Variants in SPTBN5 observed in about 807,000 individuals in gnomAD.
The protein encoded by SPTBN5 is spectrin beta, non-erythrocytic 5, also known as spectrin beta chain, non-erythrocytic 5.
In SPTBN5, 513 loss-of-function variants were observed where a neutral mutation model predicts 477.6. The observed-to-expected ratio is 1.07, with a 90% CI of 1.00 to 1.16. The LOEUF (loss-of-function observed/expected upper bound fraction) is 1.16, where lower values mean the gene tolerates loss of function less well. Ranked by LOEUF, SPTBN5 falls within the 50% of genes most tolerant of loss-of-function variation. The probability of loss-of-function intolerance (pLI) is 0.00; values close to 1 mark genes in which losing one functional copy is unlikely to be tolerated. For synonymous variants in SPTBN5, 2,169 were observed against 2,011.7 expected, an observed-to-expected ratio of 1.08 and a Z score of -2.09; for missense variants, 5,062 against 4,731.8, an observed-to-expected ratio of 1.07 and a Z score of -2.05.
intron 47 of SPTBN5, among the ~76,000 whole-genome samples, chr15:41,859,844 C>G (rs986780973): frequency 1.1e-4 from 16 of 152,302 alleles, no homozygotes; most frequent in African/African-American, 3.9e-4. Context: ...GCGACCACTG[C>G]CAGGACACCA....
At chr15:41,857,756 G>C in intron 49 of SPTBN5, 46 bp from the exon 50 acceptor site, 1 of 1,517,454 alleles carries the variant, frequency 6.6e-7, no homozygotes, top group South Asian at 1.2e-5. Context: ...AGGACTGCTG[G>C]TACCAGGGCA....
chr15:41,851,643 G>T, intron 63 of SPTBN5, 136 bp downstream of exon 63: 1 of 690,172 alleles, frequency 1.4e-6, no homozygotes, highest in Non-Finnish European at 2.5e-6. Context: ...GAGCCAAACT[G>T]CCTGGACAGC....
chr15:41,882,237 G>GGCCCCCCCC, intron 11 of SPTBN5, 32 bp downstream of exon 11: 3 of 357,956 alleles, frequency 8.4e-6, no homozygotes, highest in Non-Finnish European at 7.5e-6. Flanking sequence ...GCCGGGCCCC[G>GGCCCCCCCC]CCCCCACCCC....
At position 41,868,546 on chromosome 15, in the gene SPTBN5, TCCTCCACC is replaced by T; in HGVS notation, c.5901_5908del (p.Val1968GlufsTer6). The T allele has an allele frequency of 6.2e-7, 1 of 1,605,528 alleles. No homozygotes were observed. The highest frequency in any genetic ancestry group is 8.5e-7 in the Non-Finnish European group (1 of 1,179,730). ...GCCACTGCTAGGCTCTTGCGAACTC[TCCTCCACC>T]TGCAGGTCCTGGCGCACGCGGGCTG... On this transcript the variant is annotated frameshift_variant, in exon 33 of 68. Transcript: ENST00000320955. LOFTEE classifies it high-confidence loss of function.
Position 41,867,023 on chromosome 15 carries a change from T to C in SPTBN5, c.6416A>G (p.Glu2139Gly). The change falls in exon 36 of 68, where the codon GAG becomes GGG. Residue 2139 changes from glutamate to glycine, a missense_variant. Glu to Gly is a moderately conservative substitution (Grantham distance 98). Coordinates refer to ENST00000320955, the MANE Select transcript of SPTBN5 (RefSeq NM_016642.4). Reference protein sequence around the residue: ...QRRMRVKELAESRGHALHASL... With the variant: ...QRRMRVKELAGSRGHALHASL... Reference sequence around the variant, plus strand: ...GGCATGCAGGGCGTGTCCCCGGCTCTCCGCCAGCTCCTTCACTCTCATCCG... The same window carrying C: ...GGCATGCAGGGCGTGTCCCCGGCTCCCCGCCAGCTCCTTCACTCTCATCCG... 1 of 1,556,522 alleles carries C rather than the reference T, an allele frequency of 6.4e-7. No homozygotes were observed. Among genetic ancestry groups the C allele is most frequent in the South Asian group, 1.2e-5 (1 of 84,454 alleles).
rs752088949 is a variant in SPTBN5 at position 41,887,334 on chromosome 15, T to A, written c.767A>T (p.Asp256Val). The change falls in exon 6 of 68, where the codon GAC becomes GTC. Residue 256 changes from aspartate (D) to valine (V), a missense_variant. Physicochemically the swap from Asp to Val is radical, Grantham distance 152. Transcript: ENST00000320955. ...CTGTGCGGCTGCCACGTCCTCGGGG[T>A]CCAGCAGCTGAGCAATGCCCAGCTC... ...EQELGIAQLL[D>V]PEDVAAAQPD... The A allele has an allele frequency of 1.3e-6, 2 of 1,551,752 alleles. No homozygotes were observed. Among genetic ancestry groups the A allele is most frequent in the Non-Finnish European group, 1.7e-6 (2 of 1,147,316 alleles).
At position 41,855,601 on chromosome 15, in the gene SPTBN5, C is replaced by A; in HGVS notation, c.9166G>T (p.Glu3056Ter). The change falls in exon 54 of 68, where the codon GAG (glutamate) becomes TAG (stop). Residue 3056 changes from glutamate (E) to a stop codon, truncating the protein, a stop_gained. Coordinates refer to ENST00000320955, the MANE Select transcript of SPTBN5 (RefSeq NM_016642.4). LOFTEE classifies it high-confidence loss of function. ...RDLEAFSPRIERLQQTAALLE... is the reference protein window; with the variant it reads ...RDLEAFSPRI ...AGTGCTGCTGTCTGCTGCAGCCGCT[C>A]GATGCGTGGGCTGAACGCTTCCAGG... 6.2e-7 allele frequency: 1 copy of A among 1,611,766 alleles called. No individual in the cohort carries two copies.
chr15:41,849,112 C>A (rs1393488264), intron 67 of SPTBN5, among the ~76,000 whole-genome samples: 1 of 152,208 alleles, frequency 6.6e-6, no homozygotes, highest in African/African-American at 2.4e-5. Flanking sequence ...GGCATGGGGC[C>A]CATGCACGGA....
chr15:41,889,976 T>C (rs2067259416), intron 4 of SPTBN5, 113 bp downstream of exon 4: 3 of 669,848 alleles, frequency 4.5e-6, no homozygotes, highest in Admixed American at 5.0e-5. Context: ...GTTTCCAGGA[T>C]CTCCTATGGG....
chr15:41,853,660 G>C lies in SPTBN5; in HGVS notation c.9902C>G (p.Ala3301Gly), dbSNP rs561209581. 1 of 1,599,168 alleles carries C rather than the reference G, an allele frequency of 6.3e-7. No homozygotes were observed. Among genetic ancestry groups the C allele is most frequent in the Non-Finnish European group, 8.5e-7 (1 of 1,174,646 alleles). ...KVQEAWATLQAKAQERGQWLA... is the reference protein window; with the variant it reads ...KVQEAWATLQGKAQERGQWLA... The stretch of plus-strand genomic sequence containing the variant: ...CCACTGGCCTCGCTCCTGGGCCTTC[G>C]CCTGCAGGGTGGCCCAGGCCTCCTG... The change falls in exon 58 of 68, where the codon GCG becomes GGG. Residue 3301 changes from alanine (A) to glycine (G), a missense_variant. Physicochemically the swap from Ala to Gly is moderately conservative, Grantham distance 60. Transcript: ENST00000320955.
intron 39 of SPTBN5, among the ~76,000 whole-genome samples, chr15:41,864,763 G>A (rs1595464785): frequency 6.6e-6 from 1 of 152,234 alleles, no homozygotes; most frequent in Non-Finnish European, 1.5e-5. Flanking sequence ...CTTGGACACT[G>A]GATGGGGTTT....
rs181522689 is a variant in SPTBN5, at chr15:41,851,604, C to T, written c.10656+175G>A. The stretch of plus-strand genomic sequence containing the variant: ...CCTGGTGGGGGTGGGTAGGTGGGGG[C>T]GGTGGCAGGAGCTGGGAAGGGTCCC... On this transcript the variant is annotated intron_variant, in intron 63 of 67. Coordinates refer to ENST00000320955, the MANE Select transcript of SPTBN5 (RefSeq NM_016642.4). 3.0e-3 allele frequency among the ~76,000 whole-genome samples: 349 copies of T among 115,248 alleles called. 16 individuals carry two copies. Among genetic ancestry groups the T allele is most frequent in the Admixed American group, 7.6e-3 (88 of 11,564 alleles). 75.6% of individuals were successfully genotyped at this position (115,248 alleles called of 152,430 possible). A position where few individuals can be genotyped will look rare whatever the true frequency, so the allele number is the denominator to read the frequency against.
At chr15:41,856,749 C>T (rs1390702301) in intron 52 of SPTBN5, 104 bp downstream of exon 52, 4 of 1,369,072 alleles carry the variant, frequency 2.9e-6, no homozygotes. Flanking sequence ...TCCCAAAAGC[C>T]CCCACAGGCA....
chr15:41,877,826 G>A (rs572959201), intron 17 of SPTBN5, among the ~76,000 whole-genome samples: 1 of 152,204 alleles, frequency 6.6e-6, no homozygotes, highest in Non-Finnish European at 1.5e-5. Context: ...TGCCCACTTG[G>A]CCACCTGTCA....
At chr15:41,874,234 G>T in intron 24 of SPTBN5, 58 bp downstream of exon 24, 5 of 1,561,384 alleles carry the variant, frequency 3.2e-6, no homozygotes, top group Non-Finnish European at 4.3e-6. Flanking sequence ...GGGGCAGAGG[G>T]TTTCTAAGGT....
chr15:41,854,214 G>A lies in SPTBN5; in HGVS notation c.9619-9C>T, dbSNP rs940617828. ...TGGGCTGCAGCCAAGTTCTGGGAGAGGAGAAAGGACCTGCTCAGGGCTGTT... is the reference window on the plus strand; with the variant it reads ...TGGGCTGCAGCCAAGTTCTGGGAGAAGAGAAAGGACCTGCTCAGGGCTGTT... On this transcript the variant is annotated splice_polypyrimidine_tract_variant and intron_variant, in intron 56 of 67. Transcript: ENST00000320955. 2 of 1,590,240 alleles carry A rather than the reference G, an allele frequency of 1.3e-6. No homozygotes were observed. The highest frequency in any genetic ancestry group is 4.6e-5 in the East Asian group (2 of 43,760).
intron 55 of SPTBN5, 87 bp from the exon 56 acceptor site, chr15:41,855,063 C>T: frequency 2.7e-6 from 4 of 1,456,790 alleles, no homozygotes; most frequent in Middle Eastern, 1.8e-4. Flanking sequence ...ACTCTGATGG[C>T]TCTGAAATCC....
rs758116559 is a variant in SPTBN5, at chr15:41,888,067, C to A, written c.520G>T (p.Ala174Ser). ...SLDKEEFGAS[A>S]ALLSTKEALL... ...GCTTCCTTGGTGGACAGCAGGGCTGCGCTGGCCCCAAACTCCTCCTGGCGG... is the reference window on the plus strand; with the variant it reads ...GCTTCCTTGGTGGACAGCAGGGCTGAGCTGGCCCCAAACTCCTCCTGGCGG... The change falls in exon 5 of 68, where the codon GCA becomes TCA. Residue 174 changes from alanine (A) to serine (S), a missense_variant. Ala to Ser is a moderately conservative substitution (Grantham distance 99). Coordinates refer to ENST00000320955, the MANE Select transcript of SPTBN5 (RefSeq NM_016642.4). 6 of 1,573,564 alleles carry A rather than the reference C, an allele frequency of 3.8e-6. No homozygotes were observed. The highest frequency in any genetic ancestry group is 1.2e-5 in the South Asian group (1 of 85,606).
chr15:41,865,790 C>T lies in SPTBN5; in HGVS notation c.6918+18G>A. 1 of 1,549,116 alleles carries T rather than the reference C, an allele frequency of 6.5e-7. No homozygotes were observed. On this transcript the variant is annotated intron_variant, in intron 39 of 67. Coordinates refer to ENST00000320955, the MANE Select transcript of SPTBN5 (RefSeq NM_016642.4). ...TGCGGGATGCATGGCCAACCTCTAC[C>T]CAGCAAGGCCCTCTTACCCCGGCCG...
Sources: gnomAD v4.1 joint callset for allele counts (sites outside exome capture counted in the v4.1 genomes callset) on GRCh38, gnomAD v4.1.1 for gene constraint, MANE v1.5 for transcripts, NCBI Gene and HGNC (gene_info 2026-07-23, HGNC 2026-07-21) for gene names.